The following CPD variants were observed in gnomAD, a reference collection of about 807,000 sequenced individuals.
CPD encodes the protein carboxypeptidase D, also known as metallocarboxypeptidase D.
CPD carries 69 observed loss-of-function variants against 138.3 expected under a neutral mutation model. The ratio of observed to expected loss-of-function variants is 0.50; its 90% CI spans 0.41 to 0.61. The LOEUF is 0.61. Ranked by LOEUF, CPD falls within the 20% of genes least tolerant of loss-of-function variation. The pLI is 0.00. For synonymous variants in CPD, 651 were observed against 642.1 expected (o/e 1.01, Z -0.21); for missense variants, 1,432 against 1,733.3 (o/e 0.83, Z 3.09).
At chr17:30,401,253 CCTT>C (rs1227554606) in intron 2 of CPD, among the ~76,000 whole-genome samples, 1 of 49,616 alleles carries the variant, frequency 2.0e-5, no homozygotes. Context: ...TGCTTCTTCT[CCTT>C]CTCCTTCTCC....
intron 8 of CPD, among the ~76,000 whole-genome samples, chr17:30,435,999 G>A (rs922719101): frequency 6.6e-6 from 1 of 152,002 alleles, no homozygotes; most frequent in African/African-American, 2.4e-5. Flanking sequence ...ATTGGATTAG[G>A]GCCCATGCTA....
At chr17:30,386,493 A>G (rs1174421289) in intron 2 of CPD, among the ~76,000 whole-genome samples, 1 of 152,156 alleles carries the variant, frequency 6.6e-6, no homozygotes, top group African/African-American at 2.4e-5. Context: ...TTAAGTGTAG[A>G]GCTCAGTGGT....
rs780615417 is a variant in CPD at position 30,443,921 on chromosome 17, C to T, written c.2493C>T (p.Tyr831=). 6.2e-7 allele frequency: 1 copy of T among 1,613,948 alleles called. No homozygotes were observed. The highest frequency in any genetic ancestry group is 2.2e-5 in the East Asian group (1 of 44,866). ...HPVTTYKTGD[Y]WRLLVPGTYK... ...TGACTACTTACAAAACTGGAGATTA[C>T]TGGCGTCTCTTGGTTCCAGGAACTT... Residue 831 remains tyrosine, a synonymous_variant, in exon 11 of 21, where the codon TAC becomes TAT. Transcript: ENST00000225719.
intron 2 of CPD, among the ~76,000 whole-genome samples, chr17:30,415,107 TAAATGGC>T (rs1164217058): frequency 1.3e-5 from 2 of 152,330 alleles, no homozygotes; most frequent in East Asian, 3.9e-4. Flanking sequence ...ATCTTTTCAG[TAAATGGC>T]ACTACTATCT....
rs143687340 is a variant in CPD at position 30,461,761 on chromosome 17, T to C, written c.3631-116T>C. 4.2e-4 allele frequency: 323 copies of C among 762,910 alleles called. 1 individual carries two copies. In the East Asian group the frequency reaches 6.9e-3, roughly 16 times the overall value. 47.3% of individuals were successfully genotyped at this position (762,910 alleles called of 1,614,324 possible). A position where few individuals can be genotyped will look rare whatever the true frequency, so the allele number is the denominator to read the frequency against. On this transcript the variant is annotated intron_variant, in intron 18 of 20. Transcript: ENST00000225719. ...CCATACAGAGTTTGATACTTGTTTG[T>C]GTGTGGTTTTTGTTTTGTTTGTTTG...
At chr17:30,394,316 C>G (rs1567866824) in intron 2 of CPD, among the ~76,000 whole-genome samples, 1 of 152,124 alleles carries the variant, frequency 6.6e-6, no homozygotes, top group Non-Finnish European at 1.5e-5. Context: ...GACTACTTGT[C>G]CTTCCCAAAT....
chr17:30,448,871 G>GT (rs1335252140), intron 12 of CPD, among the ~76,000 whole-genome samples: 1 of 152,098 alleles, frequency 6.6e-6, no homozygotes, highest in Non-Finnish European at 1.5e-5. Flanking sequence ...GGAGGCTGAG[G>GT]TGGGAGGATT....
chr17:30,421,602 G>A, intron 3 of CPD, 62 bp from the exon 4 acceptor site: 1 of 1,477,414 alleles, frequency 6.8e-7, no homozygotes, highest in Non-Finnish European at 9.4e-7. Flanking sequence ...GGTGCAGAGA[G>A]AAATTATGCG....
At chr17:30,459,159 T>C (rs988173826) in intron 17 of CPD, among the ~76,000 whole-genome samples, 3 of 143,140 alleles carry the variant, frequency 2.1e-5, no homozygotes, top group Non-Finnish European at 4.6e-5. Context: ...TTTTTTTTTT[T>C]TTTTTGGTTG....
chr17:30,442,898 A>G (rs1485806371), intron 10 of CPD, among the ~76,000 whole-genome samples: 1 of 152,134 alleles, frequency 6.6e-6, no homozygotes. Flanking sequence ...CAGTAGGTAA[A>G]GATTATAAGA....
intron 2 of CPD, among the ~76,000 whole-genome samples, chr17:30,412,591 G>A (rs1045462092): frequency 1.3e-5 from 2 of 152,130 alleles, no homozygotes; most frequent in African/African-American, 4.8e-5. Context: ...AATGGCAGAC[G>A]CCCCTCCCGC....
At chr17:30,431,676 T>C in intron 7 of CPD, 96 bp from the exon 8 acceptor site, 1 of 787,326 alleles carries the variant, frequency 1.3e-6, no homozygotes, top group Non-Finnish European at 2.1e-6. Flanking sequence ...GCAAATTTTA[T>C]TGTTTTCTCT....
At chr17:30,384,039 T>TA (rs1006348990) in intron 1 of CPD, among the ~76,000 whole-genome samples, 3 of 152,024 alleles carry the variant, frequency 2.0e-5, no homozygotes, top group Non-Finnish European at 2.9e-5. Flanking sequence ...GTAGAAGCAT[T>TA]AAAAAAAATG....
chr17:30,431,953 C>A, intron 8 of CPD, 72 bp downstream of exon 8: 1 of 1,059,292 alleles, frequency 9.4e-7, no homozygotes, highest in Non-Finnish European at 1.4e-6. Flanking sequence ...TAAAGTCCTG[C>A]AAGACTCAGG....
At chr17:30,404,406 C>A (rs1275936089) in intron 2 of CPD, among the ~76,000 whole-genome samples, 1 of 152,064 alleles carries the variant, frequency 6.6e-6, no homozygotes, top group Non-Finnish European at 1.5e-5. Flanking sequence ...CGTTTTATAA[C>A]CTTTTTTGAT....
At chr17:30,451,911 T>G in intron 14 of CPD, 65 bp downstream of exon 14, 1 of 1,475,096 alleles carries the variant, frequency 6.8e-7, no homozygotes, top group Admixed American at 1.9e-5. Context: ...AGAAGATTGA[T>G]TGATCCTATT....
At chr17:30,403,047 G>A (rs769539607) in intron 2 of CPD, among the ~76,000 whole-genome samples, 12 of 152,178 alleles carry the variant, frequency 7.9e-5, no homozygotes, top group South Asian at 2.1e-4. Context: ...TGGAGGTTGC[G>A]GTGAGCAGAG....
intron 7 of CPD, among the ~76,000 whole-genome samples, chr17:30,427,955 T>G (rs1912465838): frequency 6.6e-6 from 1 of 151,490 alleles, no homozygotes; most frequent in Non-Finnish European, 1.5e-5. Flanking sequence ...CCTCTCCTCT[T>G]CCTCTCATAG....
intron 8 of CPD, among the ~76,000 whole-genome samples, chr17:30,434,120 G>A (rs542125396): frequency 6.6e-6 from 1 of 152,242 alleles, no homozygotes; most frequent in South Asian, 2.1e-4. Context: ...CTCAAAAGTA[G>A]ATAGTCTTGG....
Sources: gnomAD v4.1 joint callset for allele counts (sites outside exome capture counted in the v4.1 genomes callset) on GRCh38, gnomAD v4.1.1 for gene constraint, MANE v1.5 for transcripts, NCBI Gene and HGNC (gene_info 2026-07-23, HGNC 2026-07-21) for gene names.